Variants in CDH9 observed in about 807,000 individuals in gnomAD.
CDH9 encodes cadherin 9.
CDH9 carries 28 observed loss-of-function variants against 70.9 expected under a neutral mutation model. The ratio of observed to expected loss-of-function variants is 0.40; its 90% CI spans 0.29 to 0.54. CDH9 has a LOEUF of 0.54. Ranked by LOEUF, CDH9 falls within the 20% of genes least tolerant of loss-of-function variation. CDH9 has a pLI of 0.59. For missense variants in CDH9, 874 were observed against 984.4 expected, an observed-to-expected ratio of 0.89 and a Z score of 1.50; for synonymous variants, 409 against 343.1, an observed-to-expected ratio of 1.19 and a Z score of -2.12.
rs1326229218 is a variant in CDH9, at chr5:26,971,778, CA to C, written c.228+16327del. Among the ~76,000 whole-genome samples, 16 of 152,172 alleles carry C rather than the reference CA, an allele frequency of 1.1e-4. 1 individual carries two copies. Among genetic ancestry groups the C allele is most frequent in the African/African-American group, 3.4e-4 (14 of 41,522 alleles). The stretch of plus-strand genomic sequence containing the variant: ...AAGTGCATTAAAATACACACACACA[CA>C]CACCCATATGTGATAAGAAAATATA... On this transcript the variant is annotated intron_variant, in intron 2 of 11. Transcript: ENST00000231021.
chr5:26,928,917 A>G (rs1741392537), intron 2 of CDH9, among the ~76,000 whole-genome samples: 1 of 152,076 alleles, frequency 6.6e-6, no homozygotes, highest in Non-Finnish European at 1.5e-5. Context: ...TAACCTCTCC[A>G]GGATATTGGT....
chr5:26,973,607 G>A (rs950561614), intron 2 of CDH9, among the ~76,000 whole-genome samples: 1 of 151,978 alleles, frequency 6.6e-6, no homozygotes, highest in East Asian at 1.9e-4. Flanking sequence ...AAAGCTTTTC[G>A]AGTAATTCCA....
In CDH9 at chr5:26,904,345, G is replaced by T. The variant is rs549787683; in HGVS notation, c.812-521C>A. On this transcript the variant is annotated intron_variant, in intron 5 of 11. Coordinates refer to ENST00000231021, the MANE Select transcript of CDH9 (RefSeq NM_016279.4). ...GCATGGATGTTTGTATTTTTTGTAG[G>T]TTCAGGCAAGTGTTATATTGTATTC... 3.4e-5 allele frequency among the ~76,000 whole-genome samples: 5 copies of T among 146,578 alleles called. No individual in the cohort carries two copies. The East Asian group carries it at 6.1e-4, about 18-fold the overall frequency.
chr5:26,933,686 A>C (rs1741505496), intron 2 of CDH9, among the ~76,000 whole-genome samples: 1 of 151,990 alleles, frequency 6.6e-6, no homozygotes, highest in South Asian at 2.1e-4. Context: ...AGGCAGGAGA[A>C]TCGCTTGAAC....
intron 6 of CDH9, 68 bp downstream of exon 6, chr5:26,903,569 C>T (rs1740893214): frequency 9.9e-7 from 1 of 1,012,234 alleles, no homozygotes. Context: ...GGCTTTTTTT[C>T]CCTTTACTGA....
intron 1 of CDH9, among the ~76,000 whole-genome samples, chr5:27,031,657 A>C (rs1187019766): frequency 1.3e-5 from 2 of 151,956 alleles, no homozygotes; most frequent in African/African-American, 4.8e-5. Context: ...AGTGATCCCA[A>C]AGCCAATGCT....
chr5:26,890,663 G>T lies in CDH9; in HGVS notation c.1254-99C>A. Reference sequence around the variant, plus strand: ...GTAATTTCCACAATGATCTGACAAAGACATGAAATGCAAAATGCTAACAAC... The same window carrying T: ...GTAATTTCCACAATGATCTGACAAATACATGAAATGCAAAATGCTAACAAC... On this transcript the variant is annotated intron_variant, in intron 7 of 11. Transcript: ENST00000231021. 3.8e-6 allele frequency: 3 copies of T among 794,412 alleles called. No homozygotes were observed. The East Asian group carries it at 7.5e-5, about 20-fold the overall frequency. The allele number at this position is 794,412 out of a possible 1,614,324, so 49.2% of individuals were successfully genotyped here.
chr5:26,989,483 G>A (rs1035639869), intron 1 of CDH9, among the ~76,000 whole-genome samples: 2 of 150,832 alleles, frequency 1.3e-5, no homozygotes, highest in East Asian at 3.9e-4. Context: ...AGGGGCTTGA[G>A]TATTATATTC....
chr5:26,982,100 T>C (rs531732993), intron 2 of CDH9, among the ~76,000 whole-genome samples: 1 of 152,180 alleles, frequency 6.6e-6, no homozygotes, highest in East Asian at 1.9e-4. Context: ...GATTCGATCA[T>C]CTGCAAGTTT....
At chr5:26,991,238 C>A (rs938435372) in intron 1 of CDH9, among the ~76,000 whole-genome samples, 1 of 152,186 alleles carries the variant, frequency 6.6e-6, no homozygotes, top group East Asian at 1.9e-4. Flanking sequence ...CCCTTTGATC[C>A]TTTAATGTGG....
intron 1 of CDH9, among the ~76,000 whole-genome samples, chr5:26,993,315 A>G (rs1005742830): frequency 1.3e-5 from 2 of 152,324 alleles, no homozygotes; most frequent in South Asian, 4.1e-4. Flanking sequence ...ATTTGGGAGC[A>G]GTGAAATAGA....
At chr5:26,994,384 C>T (rs1742632807) in intron 1 of CDH9, among the ~76,000 whole-genome samples, 1 of 152,074 alleles carries the variant, frequency 6.6e-6, no homozygotes, top group African/African-American at 2.4e-5. Context: ...TCTTAACCCC[C>T]AGACTGATAG....
intron 1 of CDH9, among the ~76,000 whole-genome samples, chr5:27,028,886 C>G (rs575876941): frequency 2.3e-4 from 35 of 152,062 alleles, no homozygotes; most frequent in Admixed American, 3.9e-4. Context: ...ATTACTTGAA[C>G]AGATCCTTAC....
chr5:26,918,982 T>A (rs984412472), intron 2 of CDH9, among the ~76,000 whole-genome samples: 1 of 152,084 alleles, frequency 6.6e-6, no homozygotes, highest in Non-Finnish European at 1.5e-5. Flanking sequence ...TAACATCTTT[T>A]AAAAAATGGA....
At chr5:26,927,070 T>A (rs1158877578) in intron 2 of CDH9, among the ~76,000 whole-genome samples, 1 of 151,996 alleles carries the variant, frequency 6.6e-6, no homozygotes, top group African/African-American at 2.4e-5. Flanking sequence ...CAAGTGGGGT[T>A]TATTCCTGGG....
chr5:27,031,525 A>G (rs1383788366), intron 1 of CDH9, among the ~76,000 whole-genome samples: 1 of 151,936 alleles, frequency 6.6e-6, no homozygotes, highest in Non-Finnish European at 1.5e-5. Flanking sequence ...TTACTCTGCA[A>G]TAACATTGTA....
chr5:27,020,752 T>C (rs570918237), intron 1 of CDH9, among the ~76,000 whole-genome samples: 18 of 150,966 alleles, frequency 1.2e-4, no homozygotes, highest in Non-Finnish European at 1.9e-4. Context: ...ACACACTATA[T>C]ATATATATAT....
At chr5:27,007,809 G>A (rs978887856) in intron 1 of CDH9, among the ~76,000 whole-genome samples, 1 of 152,000 alleles carries the variant, frequency 6.6e-6, no homozygotes, top group African/African-American at 2.4e-5. Flanking sequence ...GTTTTCTACT[G>A]ATGATAAATT....
chr5:26,903,222 C>T (rs1463542031), intron 6 of CDH9: 1 of 308,800 alleles, frequency 3.2e-6, no homozygotes, highest in Non-Finnish European at 6.1e-6. Context: ...AATGTTCTCC[C>T]ACATTGCATT....
Sources: gnomAD v4.1 joint callset for allele counts (sites outside exome capture counted in the v4.1 genomes callset) on GRCh38, gnomAD v4.1.1 for gene constraint, MANE v1.5 for transcripts, NCBI Gene and HGNC (gene_info 2026-07-23, HGNC 2026-07-21) for gene names.